The following DAB1 variants were observed in gnomAD, a reference collection of about 807,000 sequenced individuals.
The protein encoded by DAB1 is DAB adaptor protein 1.
Under a neutral mutation model 64.6 loss-of-function variants are expected in DAB1, and 15 were observed. The observed-to-expected ratio is 0.23, with a 90% CI of 0.16 to 0.36. DAB1 has a LOEUF of 0.36. Among genes scored for constraint, DAB1 ranks in the 10% least tolerant of loss-of-function variants. The pLI, the probability that DAB1 is intolerant of heterozygous loss-of-function variation, is 1.00. For synonymous variants in DAB1, 235 were observed against 251.9 expected, an observed-to-expected ratio of 0.93 and a Z score of 0.64; for missense variants, 596 against 706.7, an observed-to-expected ratio of 0.84 and a Z score of 1.78.
intron 4 of DAB1, among the ~76,000 whole-genome samples, chr1:57,121,156 G>GGAGGAGGA (rs1656611982): frequency 7.8e-6 from 1 of 128,024 alleles, no homozygotes; most frequent in Non-Finnish European, 1.7e-5. Flanking sequence ...AGGAGGAGGA[G>GGAGGAGGA]GAGGAGGAGA....
intron 7 of DAB1, among the ~76,000 whole-genome samples, chr1:57,069,957 G>A (rs476744): frequency 0.68 from 102,988 of 152,064 alleles, 35,083 homozygotes; most frequent in East Asian, 0.84. Flanking sequence ...TTCATGTTTT[G>A]GGACTGTGAC....
intron 7 of DAB1, among the ~76,000 whole-genome samples, chr1:57,525,198 A>T (rs1344896406): frequency 6.6e-6 from 1 of 152,224 alleles, no homozygotes; most frequent in Non-Finnish European, 1.5e-5. Flanking sequence ...AACCAAGGAA[A>T]CAGAAAATCA....
chr1:57,117,205 T>C (rs1656216290), intron 4 of DAB1, among the ~76,000 whole-genome samples: 1 of 152,214 alleles, frequency 6.6e-6, no homozygotes, highest in Non-Finnish European at 1.5e-5. Context: ...GAAAATGTAC[T>C]GCATATAAAA....
intron 5 of DAB1, among the ~76,000 whole-genome samples, chr1:58,015,999 A>T (rs368274475): frequency 2.0e-5 from 3 of 151,110 alleles, no homozygotes; most frequent in African/African-American, 7.3e-5. Flanking sequence ...AGGGACACAA[A>T]CAGCCTAGGG....
intron 4 of DAB1, among the ~76,000 whole-genome samples, chr1:57,078,342 C>G (rs1158492022): frequency 6.6e-6 from 1 of 152,134 alleles, no homozygotes; most frequent in Non-Finnish European, 1.5e-5. Context: ...CCAAGCTCTA[C>G]CATTTACTAG....
At chr1:58,361,863 C>CTTTTTTTT (rs34029239) in intron 3 of DAB1, among the ~76,000 whole-genome samples, 24 of 84,040 alleles carry the variant, frequency 2.9e-4, no homozygotes, top group Non-Finnish European at 3.7e-4. Context: ...AAAGATCCCC[C>CTTTTTTTT]TTTTTTTTTT....
intron 7 of DAB1, among the ~76,000 whole-genome samples, chr1:57,642,468 T>A (rs1231060513): frequency 6.6e-6 from 1 of 152,176 alleles, no homozygotes; most frequent in East Asian, 1.9e-4. Flanking sequence ...CACTTCCATA[T>A]GTCTCCCCTC....
At chr1:57,238,039 C>G (rs531043116) in intron 2 of DAB1, among the ~76,000 whole-genome samples, 2 of 152,078 alleles carry the variant, frequency 1.3e-5, no homozygotes, top group African/African-American at 4.8e-5. Context: ...GTGCTGAATA[C>G]TGGGTGGAGG....
chr1:58,297,508 G>A (rs1183798917), intron 4 of DAB1, among the ~76,000 whole-genome samples: 1 of 152,116 alleles, frequency 6.6e-6, no homozygotes, highest in Non-Finnish European at 1.5e-5. Flanking sequence ...TCAATGGTGG[G>A]CTCTTGCACT....
In DAB1 at chr1:58,302,202, T is replaced by C. The variant is rs575211724; in HGVS notation, n.309+41150A>G. Among the ~76,000 whole-genome samples the C allele has an allele frequency of 1.3e-3, 195 of 152,254 alleles. 4 individuals are homozygous for C. The South Asian group carries it at 0.039, about 31-fold the overall frequency. ...ATTAATCTCTCCTCATTATAAACCA[T>C]TGCACTAAGACACAGCAGTAGCAAG... On this transcript the variant is annotated intron_variant and non_coding_transcript_variant, in intron 4 of 20. Transcript: ENST00000485760.
chr1:58,140,204 A>G (rs1240686267), intron 5 of DAB1, among the ~76,000 whole-genome samples: 1 of 152,172 alleles, frequency 6.6e-6, no homozygotes, highest in Non-Finnish European at 1.5e-5. Flanking sequence ...TTAAGATGCT[A>G]CTTGAGGCTC....
chr1:58,479,189 G>T (rs372543647), intron 3 of DAB1, among the ~76,000 whole-genome samples: 6 of 152,170 alleles, frequency 3.9e-5, no homozygotes, highest in African/African-American at 1.4e-4. Flanking sequence ...TAGGAAATCT[G>T]CAGGAAAATC....
chr1:57,520,773 T>C (rs893220696), intron 7 of DAB1, among the ~76,000 whole-genome samples: 1 of 151,958 alleles, frequency 6.6e-6, no homozygotes, highest in African/African-American at 2.4e-5. Flanking sequence ...ATTTTGGTGA[T>C]AAATGCTATG....
chr1:57,202,363 A>T (rs1463105425), intron 2 of DAB1, among the ~76,000 whole-genome samples: 1 of 152,182 alleles, frequency 6.6e-6, no homozygotes, highest in Non-Finnish European at 1.5e-5. Flanking sequence ...TGAATTTTTG[A>T]TGAGGACAGA....
Position 58,296,184 on chromosome 1 carries a change from AGAG to A in DAB1, n.309+47165_309+47167del, listed in dbSNP as rs1557724768. 2.6e-3 allele frequency among the ~76,000 whole-genome samples: 337 copies of A among 127,730 alleles called. 3 individuals are homozygous for A. The highest frequency in any genetic ancestry group is 0.025 in the Middle Eastern group (6 of 242). 83.8% of individuals were successfully genotyped at this position (127,730 alleles called of 152,430 possible). A position where few individuals can be genotyped will look rare whatever the true frequency, so the allele number is the denominator to read the frequency against. ...AAAGAAAGAAAGAAAAAAGAAAGAA[AGAG>A]AAAGAAAGAGAAAGAAAGAAAGAAA... On this transcript the variant is annotated intron_variant and non_coding_transcript_variant, in intron 4 of 20. Coordinates refer to the DAB1 transcript ENST00000485760.
chr1:57,464,433 C>T (rs750847797), intron 7 of DAB1, among the ~76,000 whole-genome samples: 7 of 152,166 alleles, frequency 4.6e-5, no homozygotes, highest in Non-Finnish European at 1.0e-4. Flanking sequence ...ACTACACTAC[C>T]TCTCACAGCG....
chr1:57,426,859 A>ATATATATATATATATATATATATAT (rs1685303539), upstream of DAB1, among the ~76,000 whole-genome samples: 1 of 122,792 alleles, frequency 8.1e-6, no homozygotes, highest in South Asian at 2.5e-4. Flanking sequence ...TAAATGAGAT[A>ATATATATATATATATATATATATAT]ATATATATAT....
intron 5 of DAB1, among the ~76,000 whole-genome samples, chr1:57,949,375 G>C (rs973771278): frequency 6.6e-6 from 1 of 152,186 alleles, no homozygotes; most frequent in Non-Finnish European, 1.5e-5. Context: ...CTCACCTCCT[G>C]CTGGGCAGCC....
intron 5 of DAB1, among the ~76,000 whole-genome samples, chr1:57,919,516 A>C (rs895629360): frequency 7.2e-5 from 11 of 152,218 alleles, no homozygotes; most frequent in Admixed American, 1.3e-4. Flanking sequence ...GTAAAGCTTG[A>C]GCTAAGCCTT....
Sources: allele counts gnomAD v4.1 joint callset (sites outside exome capture counted in the v4.1 genomes callset), GRCh38; gene constraint gnomAD v4.1.1; transcripts MANE v1.5; gene names NCBI Gene and HGNC (gene_info 2026-07-23, HGNC 2026-07-21).